The following ASB5 variants were observed in gnomAD, a reference collection of about 807,000 sequenced individuals.
ASB5 encodes ankyrin repeat and SOCS box protein 5.
Under a neutral mutation model 42.1 loss-of-function variants are expected in ASB5, and 45 were observed. The observed-to-expected ratio is 1.07, with a 90% CI of 0.84 to 1.37. ASB5 has a LOEUF of 1.37. ASB5 is among the 40% of genes most tolerant of loss of function. The pLI, the probability that ASB5 is intolerant of heterozygous loss-of-function variation, is 0.00. For synonymous variants in ASB5, 147 were observed against 150.6 expected, an observed-to-expected ratio of 0.98 and a Z score of 0.18; for missense variants, 402 against 399.8, an observed-to-expected ratio of 1.01 and a Z score of -0.05.
At chr4:176,270,666 G>A (rs1464302096), upstream of ASB5, among the ~76,000 whole-genome samples, 1 of 152,176 alleles carries the variant, frequency 6.6e-6, no homozygotes, top group Non-Finnish European at 1.5e-5. Context: ...CATTTCATAT[G>A]TGCTTTGGGA....
At chr4:176,268,812 A>G (rs1754411801) in intron 1 of ASB5, 101 bp downstream of exon 1, 1 of 1,041,046 alleles carries the variant, frequency 9.6e-7, no homozygotes, top group Non-Finnish European at 1.3e-6. Context: ...AAAAGTTTAT[A>G]AAATATTTAC....
At chr4:176,260,782 T>C (rs986184814) in intron 1 of ASB5, among the ~76,000 whole-genome samples, 3 of 152,152 alleles carry the variant, frequency 2.0e-5, no homozygotes, top group African/African-American at 7.2e-5. Flanking sequence ...GGTTCAAGGA[T>C]TCTCCTTCCT....
chr4:176,243,572 G>A (rs554767036), intron 1 of ASB5, among the ~76,000 whole-genome samples: 60 of 151,720 alleles, frequency 4.0e-4, no homozygotes, highest in Admixed American at 9.9e-4. Context: ...GCACAATCTC[G>A]GCTCACCGCA....
intron 5 of ASB5, among the ~76,000 whole-genome samples, chr4:176,219,592 A>ATATG: frequency 2.0e-5 from 1 of 50,216 alleles, no homozygotes; most frequent in African/African-American, 5.9e-5. Flanking sequence ...ATATATATAT[A>ATATG]TATATATATA....
At position 176,213,712 on chromosome 4, in the gene ASB5, A is replaced by G. The variant is rs1307482605; in HGVS notation, c.*1888T>C. 1 of 152,080 alleles carries G rather than the reference A, an allele frequency of 6.6e-6. No individual in the cohort carries two copies. The highest frequency in any genetic ancestry group is 1.5e-5 in the Non-Finnish European group (1 of 67,966). 9.4% of individuals were successfully genotyped at this position (152,080 alleles called of 1,614,324 possible). A position where few individuals can be genotyped will look rare whatever the true frequency, so the allele number is the denominator to read the frequency against. ...ATAATAATCACACTTTAATATAATA[A>G]CAAACATACAATACATTAAAGTTAG... On this transcript the variant is annotated 3_prime_UTR_variant, in exon 7 of 7. Transcript: ENST00000296525.
intron 1 of ASB5, among the ~76,000 whole-genome samples, chr4:176,255,216 C>G (rs952028984): frequency 1.3e-5 from 2 of 152,144 alleles, no homozygotes; most frequent in Admixed American, 1.3e-4. Context: ...GAAAAAACAA[C>G]AGATGCTGGG....
intron 1 of ASB5, among the ~76,000 whole-genome samples, chr4:176,248,385 G>A (rs540879354): frequency 9.9e-5 from 15 of 152,182 alleles, no homozygotes; most frequent in African/African-American, 3.4e-4. Flanking sequence ...ACCTACCAAA[G>A]AGCTAGGATT....
chr4:176,258,842 A>G (rs1754204627), intron 1 of ASB5, among the ~76,000 whole-genome samples: 1 of 152,218 alleles, frequency 6.6e-6, no homozygotes, highest in African/African-American at 2.4e-5. Flanking sequence ...TTTCAAAAAA[A>G]TAGTATCATC....
chr4:176,275,432 T>C (rs1459886373), intron 2 of ASB5, among the ~76,000 whole-genome samples: 2 of 152,216 alleles, frequency 1.3e-5, no homozygotes, highest in Admixed American at 6.5e-5. Context: ...ACTCCAGTTA[T>C]GAATTTTAGA....
intron 3 of ASB5, 47 bp downstream of exon 3, chr4:176,222,266 C>T (rs13147229): frequency 0.41 from 607,422 of 1,493,198 alleles, 127,139 homozygotes; most frequent in Non-Finnish European, 0.44. Context: ...TGTTGGATTC[C>T]CTCCGTCAGT....
intron 1 of ASB5, among the ~76,000 whole-genome samples, chr4:176,256,637 T>C (rs1229434394): frequency 6.6e-6 from 1 of 152,168 alleles, no homozygotes; most frequent in African/African-American, 2.4e-5. Context: ...CTGTAAGATA[T>C]GACAAGGAAA....
intron 1 of ASB5, among the ~76,000 whole-genome samples, chr4:176,229,340 C>T (rs1351632): frequency 0.54 from 82,075 of 151,888 alleles, 22,613 homozygotes; most frequent in Middle Eastern, 0.62. Flanking sequence ...TCTAGTATAC[C>T]ATGATGACCT....
At chr4:176,238,955 C>CT (rs1753753458) in intron 1 of ASB5, among the ~76,000 whole-genome samples, 1 of 152,170 alleles carries the variant, frequency 6.6e-6, no homozygotes, top group Non-Finnish European at 1.5e-5. Context: ...GTTTCCTTCT[C>CT]TATAAAATGA....
chr4:176,241,607 T>A (rs1753814210), intron 1 of ASB5: 1 of 1,412,924 alleles, frequency 7.1e-7, no homozygotes. Flanking sequence ...CAGTTCTTGC[T>A]CCATTTTATT....
rs758911341 is a variant in ASB5, at chr4:176,269,043, A to C, written c.66T>G (p.Leu22=). The change falls in exon 1 of 7, where the codon CTT becomes CTG. Residue 22 remains leucine (L), a synonymous_variant. Coordinates refer to ENST00000296525, the MANE Select transcript of ASB5 (RefSeq NM_080874.4). ...CAAAAAGCTTAAAACAGAACAGCGA[A>C]AGTATTGTAAAGTAGACATTGGATA... is the stretch of plus-strand genomic sequence containing the variant. ...QQLSNVYFTI[L]SLFCFKLFVK... 5.6e-6 allele frequency: 9 copies of C among 1,613,380 alleles called. No individual in the cohort carries two copies. The South Asian group carries it at 6.6e-5, about 12-fold the overall frequency.
intron 1 of ASB5, among the ~76,000 whole-genome samples, chr4:176,233,978 C>T (rs1446679926): frequency 2.6e-5 from 4 of 152,158 alleles, no homozygotes; most frequent in Non-Finnish European, 1.5e-5. Flanking sequence ...GTTTCTCACA[C>T]CCACCAGGCG....
At chr4:176,262,170 A>G (rs553095618) in intron 1 of ASB5, among the ~76,000 whole-genome samples, 28 of 152,282 alleles carry the variant, frequency 1.8e-4, no homozygotes, top group Non-Finnish European at 3.5e-4. Context: ...CCTAGTTTTC[A>G]TTCCTTTTCT....
chr4:176,247,471 T>C lies in ASB5; in HGVS notation c.196+21442A>G, dbSNP rs369915153. On this transcript the variant is annotated intron_variant, in intron 1 of 6. Coordinates refer to ENST00000296525, the MANE Select transcript of ASB5 (RefSeq NM_080874.4). ...AGCTACAGAAATCAGTTTAGTGTAG[T>C]ATAGGTCCAGAGCAATGTAATTGAT... Among the ~76,000 whole-genome samples, 50 of 152,318 alleles carry C rather than the reference T, an allele frequency of 3.3e-4. 1 individual carries two copies. Among genetic ancestry groups the C allele is most frequent in the African/African-American group, 1.2e-3 (49 of 41,582 alleles).
chr4:176,275,766 A>G (rs1344763620), intron 2 of ASB5: 3 of 152,152 alleles, frequency 2.0e-5, no homozygotes, highest in African/African-American at 7.2e-5. Flanking sequence ...TAATATTCCC[A>G]TCTTCATACT....
Sources: allele counts gnomAD v4.1 joint callset (sites outside exome capture counted in the v4.1 genomes callset), GRCh38; gene constraint gnomAD v4.1.1; transcripts MANE v1.5; gene names NCBI Gene and HGNC (gene_info 2026-07-23, HGNC 2026-07-21).